SLIT2: variants seen among roughly 807,000 people sequenced by gnomAD.
The protein encoded by SLIT2 is slit guidance ligand 2.
A neutral mutation model predicts 185.7 loss-of-function variants in SLIT2; 41 were observed. The observed-to-expected ratio is 0.22, with a 90% CI of 0.17 to 0.29. SLIT2 has a LOEUF of 0.29. SLIT2 is among the 10% of genes least tolerant of loss of function. The probability of loss-of-function intolerance (pLI) is 1.00; values close to 1 mark genes in which losing one functional copy is unlikely to be tolerated. For missense variants in SLIT2, 1,571 were observed against 1,909.0 expected (o/e 0.82, Z 3.30); for synonymous variants, 693 against 680.2 (o/e 1.02, Z -0.29).
At position 20,392,341 on chromosome 4, in the gene SLIT2, A is replaced by G. The variant is rs535431454; in HGVS notation, c.396-75411A>G. 11 of 152,186 alleles carry G rather than the reference A, an allele frequency of 7.2e-5. No homozygotes were observed. The East Asian group carries it at 2.1e-3, about 29-fold the overall frequency. The allele number at this position is 152,186 out of a possible 1,614,324, so 9.4% of individuals were successfully genotyped here. ...ATATGGTGTAAAAGATTTTTTTAAA[A>G]AGGTACACCTGTATAGGGTGCTTAC... is the stretch of plus-strand genomic sequence containing the variant. On this transcript the variant is annotated intron_variant, in intron 4 of 36. Transcript: ENST00000504154.
intron 4 of SLIT2, among the ~76,000 whole-genome samples, chr4:20,396,186 A>G (rs192942563): frequency 1.2e-4 from 18 of 152,042 alleles, no homozygotes; most frequent in African/African-American, 2.2e-4. Context: ...AATAAATGCT[A>G]TGTGTCTGCA....
rs533488635 is a variant in SLIT2, at chr4:20,342,555, A to G, written c.395+73674A>G. ...ATATCATAATAAAGTATTACCTAGG[A>G]TAGAACTTTTAGCATAAATCTAATT... On this transcript the variant is annotated intron_variant, in intron 4 of 36. Transcript: ENST00000504154. Among the ~76,000 whole-genome samples the G allele has an allele frequency of 1.9e-3, 292 of 152,130 alleles. 3 individuals carry two copies. The highest frequency in any genetic ancestry group is 1.9e-3 in the Non-Finnish European group (131 of 68,004).
intron 4 of SLIT2, among the ~76,000 whole-genome samples, chr4:20,374,176 T>G (rs1287783243): frequency 6.6e-6 from 1 of 152,080 alleles, no homozygotes; most frequent in Non-Finnish European, 1.5e-5. Context: ...GAAAATTATA[T>G]GCGATGATAC....
intron 4 of SLIT2, among the ~76,000 whole-genome samples, chr4:20,353,826 C>A (rs1017402958): frequency 3.3e-5 from 5 of 152,120 alleles, no homozygotes; most frequent in Admixed American, 2.6e-4. Context: ...AACCAGATTT[C>A]TTTTTAGAAC....
At chr4:20,255,346 T>C (rs1410286299) in intron 1 of SLIT2, among the ~76,000 whole-genome samples, 1 of 152,214 alleles carries the variant, frequency 6.6e-6, no homozygotes, top group African/African-American at 2.4e-5. Context: ...CAAATGGCTC[T>C]TCTACCCCCA....
intron 4 of SLIT2, among the ~76,000 whole-genome samples, chr4:20,286,693 T>G (rs1715301290): frequency 6.6e-6 from 1 of 152,108 alleles, no homozygotes; most frequent in Non-Finnish European, 1.5e-5. Flanking sequence ...TCCCAGCTAC[T>G]CGGGAGGCTG....
chr4:20,431,645 CAG>C (rs1019011453), intron 4 of SLIT2, among the ~76,000 whole-genome samples: 3 of 152,162 alleles, frequency 2.0e-5, no homozygotes, highest in East Asian at 3.9e-4. Context: ...TCTACAGAGA[CAG>C]AGAGAGAGTG....
chr4:20,493,041 A>T (rs1260693676), intron 9 of SLIT2, among the ~76,000 whole-genome samples: 1 of 152,224 alleles, frequency 6.6e-6, no homozygotes, highest in African/African-American at 2.4e-5. Context: ...ATAGAACATT[A>T]CTTTACCTCT....
chr4:20,353,843 T>C (rs1162899862), intron 4 of SLIT2, among the ~76,000 whole-genome samples: 1 of 152,186 alleles, frequency 6.6e-6, no homozygotes, highest in Non-Finnish European at 1.5e-5. Flanking sequence ...GAACTTGCAG[T>C]GGGGATTAGA....
At chr4:20,582,900 A>G (rs976318814) in intron 29 of SLIT2, among the ~76,000 whole-genome samples, 4 of 152,246 alleles carry the variant, frequency 2.6e-5, no homozygotes, top group Non-Finnish European at 5.9e-5. Flanking sequence ...GAGATGGCTC[A>G]TAAGTGACTG....
Position 20,619,115 on chromosome 4 carries a change from C to A in SLIT2, c.*106C>A. The A allele has an allele frequency of 8.7e-6, 10 of 1,147,480 alleles. No homozygotes were observed. The highest frequency in any genetic ancestry group is 2.5e-5 in the Admixed American group (1 of 39,706). The allele number at this position is 1,147,480 out of a possible 1,614,324, so 71.1% of individuals were successfully genotyped here. On this transcript the variant is annotated 3_prime_UTR_variant, in exon 37 of 37. Transcript: ENST00000504154. ...AATATTTGAAATATATTGTAAAATACAGAACAGACTTATTTTTATTATGAG... is the reference window on the plus strand; with the variant it reads ...AATATTTGAAATATATTGTAAAATAAAGAACAGACTTATTTTTATTATGAG...
intron 4 of SLIT2, among the ~76,000 whole-genome samples, chr4:20,387,718 G>A (rs1008449652): frequency 6.6e-6 from 1 of 152,082 alleles, no homozygotes; most frequent in Non-Finnish European, 1.5e-5. Flanking sequence ...GAGAGCAGAG[G>A]GTGGCCACCA....
chr4:20,377,743 C>T (rs1724147779), intron 4 of SLIT2, among the ~76,000 whole-genome samples: 1 of 152,122 alleles, frequency 6.6e-6, no homozygotes, highest in Non-Finnish European at 1.5e-5. Flanking sequence ...AGTTCCCCAA[C>T]TCTCAGTTTA....
intron 4 of SLIT2, among the ~76,000 whole-genome samples, chr4:20,458,088 CAAAAA>C (rs10672353): frequency 3.5e-5 from 4 of 112,904 alleles, no homozygotes; most frequent in Non-Finnish European, 5.6e-5. Flanking sequence ...ACACATTATG[CAAAAA>C]AAAAAAAAAA....
chr4:20,441,279 T>C (rs539064010), intron 4 of SLIT2, among the ~76,000 whole-genome samples: 1 of 152,326 alleles, frequency 6.6e-6, no homozygotes, highest in South Asian at 2.1e-4. Flanking sequence ...CTCATACATT[T>C]CGTGCTTGTG....
chr4:20,459,923 G>A (rs1032761953), intron 4 of SLIT2, among the ~76,000 whole-genome samples: 1 of 150,672 alleles, frequency 6.6e-6, no homozygotes, highest in East Asian at 2.0e-4. Context: ...GGGTGCAGTG[G>A]CACAATTTTG....
At chr4:20,449,401 T>G (rs149558404) in intron 4 of SLIT2, among the ~76,000 whole-genome samples, 1 of 152,182 alleles carries the variant, frequency 6.6e-6, no homozygotes, top group Non-Finnish European at 1.5e-5. Flanking sequence ...AAAACAGGGT[T>G]TTTGTTTTGT....
rs754600984 is a variant in SLIT2, at chr4:20,256,787, A to T, written c.251+44A>T. 3.1e-6 allele frequency: 3 copies of T among 963,262 alleles called. No individual in the cohort carries two copies. The African/African-American group carries it at 5.0e-5, about 16-fold the overall frequency. 59.7% of individuals were successfully genotyped at this position (963,262 alleles called of 1,614,324 possible). A position where few individuals can be genotyped will look rare whatever the true frequency, so the allele number is the denominator to read the frequency against. Reference sequence around the variant, plus strand: ...TTTTTAAATAATTTTTTAAGGTTGCATATTTTGAATCATTACTGGCCTCAG... The same window carrying T: ...TTTTTAAATAATTTTTTAAGGTTGCTTATTTTGAATCATTACTGGCCTCAG... On this transcript the variant is annotated intron_variant, in intron 2 of 36. Coordinates refer to ENST00000504154, the MANE Select transcript of SLIT2 (RefSeq NM_004787.4).
intron 29 of SLIT2, among the ~76,000 whole-genome samples, chr4:20,570,363 A>G (rs1577945851): frequency 6.6e-6 from 1 of 152,092 alleles, no homozygotes; most frequent in Middle Eastern, 3.4e-3. Context: ...GAGTATCTGG[A>G]AAGAATGTAA....
Sources: gnomAD v4.1 joint callset for allele counts (sites outside exome capture counted in the v4.1 genomes callset) on GRCh38, gnomAD v4.1.1 for gene constraint, MANE v1.5 for transcripts, NCBI Gene and HGNC (gene_info 2026-07-23, HGNC 2026-07-21) for gene names.